Variants in CEP192 observed in about 807,000 individuals in gnomAD.
CEP192 encodes centrosomal protein of 192 kDa.
CEP192 carries 151 observed loss-of-function variants against 271.8 expected under a neutral mutation model. The ratio of observed to expected loss-of-function variants is 0.56; its 90% CI spans 0.49 to 0.64. The LOEUF (loss-of-function observed/expected upper bound fraction) is 0.64. Among genes scored for constraint, CEP192 ranks in the 30% least tolerant of loss-of-function variants. CEP192 has a pLI of 0.00. For synonymous variants in CEP192, 995 were observed against 1,076.5 expected, an observed-to-expected ratio of 0.92 and a Z score of 1.48; for missense variants, 2,910 against 3,020.5, an observed-to-expected ratio of 0.96 and a Z score of 0.86.
At chr18:13,028,836 T>C (rs1235039320) in intron 9 of CEP192, among the ~76,000 whole-genome samples, 1 of 152,172 alleles carries the variant, frequency 6.6e-6, no homozygotes, top group Non-Finnish European at 1.5e-5. Flanking sequence ...TTTATTTTTA[T>C]ATAATAATGT....
At chr18:13,060,061 A>C (rs757486307) in intron 21 of CEP192, among the ~76,000 whole-genome samples, 1 of 152,222 alleles carries the variant, frequency 6.6e-6, no homozygotes, top group African/African-American at 2.4e-5. Flanking sequence ...GTCTTGATAC[A>C]GTCCTGAGTC....
intron 32 of CEP192, 53 bp from the exon 33 acceptor site, chr18:13,089,403 T>G: frequency 1.2e-6 from 1 of 849,144 alleles, no homozygotes. Flanking sequence ...TAATTAAAGT[T>G]ATTTTATATA....
At chr18:13,085,124 C>T (rs551915288) in intron 30 of CEP192, among the ~76,000 whole-genome samples, 4 of 151,922 alleles carry the variant, frequency 2.6e-5, no homozygotes, top group Non-Finnish European at 4.4e-5. Context: ...CGTGCCTGGT[C>T]GATTTGCATT....
Position 13,029,924 on chromosome 18 carries a change from T to A in CEP192, c.1312T>A (p.Phe438Ile). The change falls in exon 10 of 45, where the codon TTC becomes ATC. Residue 438 changes from phenylalanine (F) to isoleucine (I), a missense_variant. Phe to Ile is a conservative substitution (Grantham distance 21). Coordinates refer to ENST00000506447, the MANE Select transcript of CEP192 (RefSeq NM_032142.4). ...LKPISDSGINFTDAIWSPTCE... is the reference protein window; with the variant it reads ...LKPISDSGINITDAIWSPTCE... ...GCCCATTAGTGACAGTGGAATTAAT[T>A]TCACTGATGCCATTTGGTCACCAAC... 6.4e-7 allele frequency: 1 copy of A among 1,551,722 alleles called. No homozygotes were observed. Among genetic ancestry groups the A allele is most frequent in the South Asian group, 1.2e-5 (1 of 84,062 alleles).
At chr18:13,096,007 A>G (rs537342020) in intron 35 of CEP192, among the ~76,000 whole-genome samples, 177 bp from the exon 36 acceptor site, 1 of 152,336 alleles carries the variant, frequency 6.6e-6, no homozygotes, top group South Asian at 2.1e-4. Context: ...GACGATTTCC[A>G]GGATTCCTTT....
chr18:13,040,722 A>T (rs1449767859), intron 13 of CEP192, 108 bp from the exon 14 acceptor site: 2 of 816,618 alleles, frequency 2.4e-6, no homozygotes, highest in East Asian at 5.6e-5. Context: ...TGGGAAGAAC[A>T]GTTTTTTGAT....
rs201172119 is a variant in CEP192, at chr18:13,113,914, AG to A, written c.7167+210del. Among the ~76,000 whole-genome samples, 1,210 of 152,278 alleles carry A rather than the reference AG, an allele frequency of 7.9e-3. 15 individuals carry two copies. The highest frequency in any genetic ancestry group is 0.023 in the South Asian group (111 of 4,824). On this transcript the variant is annotated intron_variant, in intron 41 of 44. Transcript: ENST00000506447. ...AACCCATGTTTGACTTAGTTATATA[AG>A]AAACTCTGTGCGTGTGCATCATGTA...
intron 38 of CEP192, among the ~76,000 whole-genome samples, chr18:13,102,394 T>G (rs1232698863): frequency 2.6e-5 from 4 of 151,930 alleles, no homozygotes; most frequent in Admixed American, 6.6e-5. Context: ...TTGATTCGTC[T>G]CCACCAGCAC....
chr18:13,121,325 G>A (rs1371622356), intron 44 of CEP192, among the ~76,000 whole-genome samples: 2 of 152,202 alleles, frequency 1.3e-5, no homozygotes, highest in Non-Finnish European at 2.9e-5. Context: ...GTAGGGTACA[G>A]GAGATGATTA....
chr18:13,117,043 G>A (rs1433962180), intron 43 of CEP192, among the ~76,000 whole-genome samples: 1 of 150,166 alleles, frequency 6.7e-6, no homozygotes, highest in Non-Finnish European at 1.5e-5. Flanking sequence ...GCAATATAGT[G>A]AGACTCCATC....
intron 36 of CEP192, among the ~76,000 whole-genome samples, chr18:13,098,120 C>G (rs183631435): frequency 6.6e-6 from 1 of 152,236 alleles, no homozygotes; most frequent in Non-Finnish European, 1.5e-5. Flanking sequence ...TCCACAAAAC[C>G]GCCATTGTCA....
chr18:13,059,976 A>G (rs2037319821), intron 21 of CEP192, among the ~76,000 whole-genome samples: 1 of 152,208 alleles, frequency 6.6e-6, no homozygotes, highest in African/African-American at 2.4e-5. Flanking sequence ...GTGAAATCAG[A>G]ACTAACATTG....
At chr18:13,089,355 A>G (rs75076422) in intron 32 of CEP192, 101 bp from the exon 33 acceptor site, 22,987 of 566,898 alleles carry the variant, frequency 0.041, 563 homozygotes, top group Middle Eastern at 0.07. Flanking sequence ...CTAATATATC[A>G]GTATTAGTGG....
chr18:12,991,618 G>C (rs72636759), intron 1 of CEP192, among the ~76,000 whole-genome samples, 181 bp downstream of exon 1: 12 of 152,248 alleles, frequency 7.9e-5, no homozygotes, highest in Admixed American at 7.2e-4. Flanking sequence ...GCGCCTCTGC[G>C]CCTGGCGCAG....
chr18:13,018,726 C>A (rs1009215039), intron 8 of CEP192, 111 bp downstream of exon 8: 7 of 742,870 alleles, frequency 9.4e-6, no homozygotes, highest in Non-Finnish European at 1.4e-5. Flanking sequence ...CTCTTCTAGT[C>A]CCTCAGGTCT....
At chr18:13,042,128 G>T in intron 14 of CEP192, 76 bp from the exon 15 acceptor site, 1 of 1,239,238 alleles carries the variant, frequency 8.1e-7, no homozygotes, top group Non-Finnish European at 1.1e-6. Context: ...TAGTCATTTT[G>T]CCTGGTCCTT....
In CEP192 at chr18:13,051,436, G is replaced by A. The variant is rs530455328; in HGVS notation, c.3018-1483G>A. On this transcript the variant is annotated intron_variant, in intron 17 of 44. Transcript: ENST00000506447. The stretch of plus-strand genomic sequence containing the variant: ...AAACCCATGTAGGTTCATGTCATGC[G>A]GGAGCTAAAGAAGGCCTGAAGCAAT... Among the ~76,000 whole-genome samples, 14 of 152,250 alleles carry A rather than the reference G, an allele frequency of 9.2e-5. No individual in the cohort carries two copies. In the East Asian group the frequency reaches 2.3e-3, roughly 25 times the overall value.
At chr18:13,072,724 A>G (rs1259322245) in intron 28 of CEP192, 31 bp from the exon 29 acceptor site, 1 of 1,429,150 alleles carries the variant, frequency 7.0e-7, no homozygotes, top group South Asian at 1.1e-5. Context: ...CATGGAGAAA[A>G]ACCATATTTA....
Position 13,089,532 on chromosome 18 carries a change from G to A in CEP192, c.6070G>A (p.Glu2024Lys). Residue 2024 changes from glutamate to lysine, a missense_variant, in exon 33 of 45, where the codon GAA becomes AAA. Glu to Lys is a moderately conservative substitution (Grantham distance 56). Transcript: ENST00000506447. ...HSVLQNINFV[E>K]AFQDELLVTE... ...TGTGCTTCAAAACATTAATTTTGTT[G>A]AAGCATTTCAAGATGAGCTATTAGT... 6.3e-7 allele frequency: 1 copy of A among 1,598,698 alleles called. No individual in the cohort carries two copies.
Sources: allele counts gnomAD v4.1 joint callset (sites outside exome capture counted in the v4.1 genomes callset), GRCh38; gene constraint gnomAD v4.1.1; transcripts MANE v1.5; gene names NCBI Gene and HGNC (gene_info 2026-07-23, HGNC 2026-07-21).